LDHAL6A: variants seen among roughly 807,000 people sequenced by gnomAD.
The protein encoded by LDHAL6A is L-lactate dehydrogenase A-like 6A.
A neutral mutation model predicts 28.2 loss-of-function variants in LDHAL6A; 19 were observed. The ratio of observed to expected loss-of-function variants is 0.67; its 90% CI spans 0.47 to 0.99. The LOEUF (loss-of-function observed/expected upper bound fraction) is 0.99. LDHAL6A is among the 50% of genes least tolerant of loss of function. The probability of loss-of-function intolerance (pLI) is 0.00; values close to 1 mark genes in which losing one functional copy is unlikely to be tolerated. For synonymous variants in LDHAL6A, 144 were observed against 134.4 expected, an observed-to-expected ratio of 1.07 and a Z score of -0.49; for missense variants, 372 against 398.6, an observed-to-expected ratio of 0.93 and a Z score of 0.57.
chr11:18,468,313 A>T (rs1849173020), intron 3 of LDHAL6A: 2 of 149,284 alleles, frequency 1.3e-5, no homozygotes, highest in Admixed American at 1.3e-4. Context: ...CTTGGCATTC[A>T]TTGAGCAGCT....
rs570846639 is a variant in LDHAL6A, at chr11:18,462,370, T to G, written c.127-1591T>G. Among the ~76,000 whole-genome samples, 207 of 151,592 alleles carry G rather than the reference T, an allele frequency of 1.4e-3. 3 individuals are homozygous for G. The South Asian group carries it at 0.015, about 11-fold the overall frequency. On this transcript the variant is annotated intron_variant, in intron 1 of 6. Transcript: ENST00000280706. Reference sequence around the variant, plus strand: ...ACAAAAAAATTGGCCGGGTGCGGTGTCTCATGCCTGTAATCCCAGCACTTT... The same window carrying G: ...ACAAAAAAATTGGCCGGGTGCGGTGGCTCATGCCTGTAATCCCAGCACTTT...
At position 18,477,656 on chromosome 11, in the gene LDHAL6A, T is replaced by C. The variant is rs1007556935; in HGVS notation, c.747T>C (p.Ser249=). ...TGGTCAAAATGAAAGGTTATACTTC[T>C]TGGGGCATTAGCCTATCTGTAGCTG... ...YEMVKMKGYT[S]WGISLSVADL... The change falls in exon 6 of 7, where the codon TCT becomes TCC. Residue 249 remains serine, a synonymous_variant. Coordinates refer to ENST00000280706, the MANE Select transcript of LDHAL6A (RefSeq NM_144972.5). 3 of 1,612,882 alleles carry C rather than the reference T, an allele frequency of 1.9e-6. No homozygotes were observed. The highest frequency in any genetic ancestry group is 2.5e-6 in the Non-Finnish European group (3 of 1,179,664).
At chr11:18,467,866 T>A (rs200299751) in intron 3 of LDHAL6A, among the ~76,000 whole-genome samples, 1,052 of 39,408 alleles carry the variant, frequency 0.027, 66 homozygotes, top group East Asian at 0.15. Context: ...AAAAAAAATA[T>A]ATATATATAC....
At chr11:18,478,417 G>A (rs1309759916) in intron 6 of LDHAL6A, among the ~76,000 whole-genome samples, 2 of 152,094 alleles carry the variant, frequency 1.3e-5, no homozygotes, top group East Asian at 1.9e-4. Context: ...TCTGTCGGCC[G>A]GGCGTGGTGG....
At chr11:18,476,346 C>A in intron 4 of LDHAL6A, 38 bp from the exon 5 acceptor site, 1 of 1,599,010 alleles carries the variant, frequency 6.3e-7, no homozygotes, top group Non-Finnish European at 8.5e-7. Context: ...CCTGCTAATA[C>A]CATGTAAGAA....
Position 18,468,039 on chromosome 11 carries a change from A to G in LDHAL6A, c.418+2229A>G, listed in dbSNP as rs537953054. ...CATATATATACGTATATATATATAC[A>G]TATATATACGTATATATATATACAT... On this transcript the variant is annotated intron_variant, in intron 3 of 6. Transcript: ENST00000280706. 4.3e-3 allele frequency among the ~76,000 whole-genome samples: 48 copies of G among 11,280 alleles called. 3 individuals carry two copies. The highest frequency in any genetic ancestry group is 0.021 in the East Asian group (3 of 142). 7.4% of individuals were successfully genotyped at this position (11,280 alleles called of 152,430 possible). A position where few individuals can be genotyped will look rare whatever the true frequency, so the allele number is the denominator to read the frequency against.
At chr11:18,467,965 AT>A (rs1849138692) in intron 3 of LDHAL6A, among the ~76,000 whole-genome samples, 1 of 22,476 alleles carries the variant, frequency 4.4e-5, no homozygotes, top group Non-Finnish European at 1.1e-4. Flanking sequence ...ACGTATATAT[AT>A]ACGTATATAT....
intron 3 of LDHAL6A, among the ~76,000 whole-genome samples, chr11:18,467,969 G>GTATATATATACA (rs1849140759): frequency 2.3e-4 from 13 of 56,826 alleles, no homozygotes; most frequent in African/African-American, 1.2e-3. Context: ...ATATATATAC[G>GTATATATATACA]TATATATATA....
intron 1 of LDHAL6A, among the ~76,000 whole-genome samples, chr11:18,459,401 G>A (rs913467322): frequency 1.2e-4 from 18 of 152,250 alleles, no homozygotes; most frequent in Admixed American, 1.3e-4. Flanking sequence ...AGGGACTCTC[G>A]GGCCTTTGGC....
At chr11:18,466,092 T>C (rs1366563235) in intron 3 of LDHAL6A, among the ~76,000 whole-genome samples, 1 of 152,220 alleles carries the variant, frequency 6.6e-6, no homozygotes, top group African/African-American at 2.4e-5. Flanking sequence ...TGTTCCTGCA[T>C]TAATTAGCTT....
intron 5 of LDHAL6A, 97 bp from the exon 6 acceptor site, chr11:18,477,523 A>C (rs1849416462): frequency 6.4e-5 from 60 of 942,884 alleles, no homozygotes; most frequent in Non-Finnish European, 8.1e-5. Context: ...TGATGGAGTC[A>C]CTGCAGTTTT....
chr11:18,467,880 CATATATATATATATATATATATATATAT>C (rs1161164040), intron 3 of LDHAL6A, among the ~76,000 whole-genome samples: 4 of 44,454 alleles, frequency 9.0e-5, no homozygotes, highest in Non-Finnish European at 1.4e-4. Flanking sequence ...TATATACACA[CATATATATATATATATATATATATATAT>C]ATATATATAT....
At chr11:18,477,463 A>T (rs999033883) in intron 5 of LDHAL6A, among the ~76,000 whole-genome samples, 157 bp from the exon 6 acceptor site, 2 of 151,500 alleles carry the variant, frequency 1.3e-5, no homozygotes, top group African/African-American at 4.8e-5. Flanking sequence ...AAAAAAAAAA[A>T]AGAAGAAAGA....
intron 3 of LDHAL6A, among the ~76,000 whole-genome samples, chr11:18,467,732 C>T (rs11819849): frequency 0.052 from 7,846 of 150,314 alleles, 229 homozygotes; most frequent in Non-Finnish European, 0.065. Flanking sequence ...GTGGTGCACA[C>T]CTGTAATCCT....
chr11:18,465,697 AAGG>A lies in LDHAL6A; in HGVS notation c.308_310del (p.Gly103del). 3 of 1,614,050 alleles carry A rather than the reference AAGG, an allele frequency of 1.9e-6. No homozygotes were observed. Among genetic ancestry groups the A allele is most frequent in the Non-Finnish European group, 2.5e-6 (3 of 1,179,938 alleles). On this transcript the variant is annotated inframe_deletion, in exon 3 of 7. Transcript: ENST00000280706. Reference sequence around the variant, plus strand: ...ATCACAGCAGGTGCACGCCAGAAAAAAGGAGAAACACGCCTTGATTTAGTCCAG... The same window carrying A: ...ATCACAGCAGGTGCACGCCAGAAAAAAGAAACACGCCTTGATTTAGTCCAG...
intron 3 of LDHAL6A, among the ~76,000 whole-genome samples, chr11:18,471,782 ATT>A (rs137921356): frequency 1.2e-4 from 17 of 145,860 alleles, no homozygotes; most frequent in South Asian, 8.6e-4. Context: ...AAAAAAAAAA[ATT>A]TTTTCCAAAA....
At chr11:18,470,145 G>A (rs1461716106) in intron 3 of LDHAL6A, among the ~76,000 whole-genome samples, 1 of 152,186 alleles carries the variant, frequency 6.6e-6, no homozygotes, top group Non-Finnish European at 1.5e-5. Context: ...GGCTGGTCTT[G>A]AACTCCTGGC....
intron 1 of LDHAL6A, among the ~76,000 whole-genome samples, chr11:18,462,509 C>T (rs1416413539): frequency 5.3e-5 from 8 of 151,868 alleles, no homozygotes; most frequent in Non-Finnish European, 8.8e-5. Context: ...TGGTGGCGGG[C>T]GCCTGTAGTC....
intron 1 of LDHAL6A, among the ~76,000 whole-genome samples, chr11:18,462,278 A>T (rs1032965715): frequency 6.6e-6 from 1 of 152,152 alleles, no homozygotes; most frequent in South Asian, 2.1e-4. Flanking sequence ...GGGCAGGTGG[A>T]TCACTTGAAG....
Sources: gnomAD v4.1 joint callset for allele counts (sites outside exome capture counted in the v4.1 genomes callset) on GRCh38, gnomAD v4.1.1 for gene constraint, MANE v1.5 for transcripts, NCBI Gene and HGNC (gene_info 2026-07-23, HGNC 2026-07-21) for gene names.